Variants in AUTS2 observed in about 807,000 individuals in gnomAD.
The protein encoded by AUTS2 is activator of transcription and developmental regulator AUTS2, also known as autism susceptibility gene 2 protein.
AUTS2 carries 17 observed loss-of-function variants against 112.4 expected under a neutral mutation model. That is an observed-to-expected ratio of 0.15 (90% confidence interval 0.10 to 0.23). The LOEUF is 0.23. AUTS2 is among the 10% of genes least tolerant of loss of function. The probability of loss-of-function intolerance (pLI) is 1.00; values close to 1 mark genes in which losing one functional copy is unlikely to be tolerated. For missense variants in AUTS2, 1,510 were observed against 1,701.6 expected (o/e 0.89, Z 1.98); for synonymous variants, 751 against 702.7 (o/e 1.07, Z -1.09).
chr7:69,636,473 G>A (rs1302137442), intron 1 of AUTS2, among the ~76,000 whole-genome samples: 1 of 53,312 alleles, frequency 1.9e-5, no homozygotes, highest in African/African-American at 9.2e-5. Context: ...GACCTCAAGT[G>A]ATCCGCGCCC....
At chr7:69,854,023 G>A (rs1443464863) in intron 1 of AUTS2, among the ~76,000 whole-genome samples, 8 of 152,048 alleles carry the variant, frequency 5.3e-5, no homozygotes, top group Non-Finnish European at 7.4e-5. Context: ...AAATTTATAC[G>A]TGTACTCTTT....
intron 6 of AUTS2, among the ~76,000 whole-genome samples, chr7:70,749,021 C>T (rs748410205): frequency 1.4e-4 from 22 of 152,226 alleles, no homozygotes; most frequent in South Asian, 4.2e-4. Context: ...TGCATAGAGC[C>T]GGACTGGGAA....
At chr7:70,220,049 G>C (rs914384133) in intron 4 of AUTS2, among the ~76,000 whole-genome samples, 5 of 152,136 alleles carry the variant, frequency 3.3e-5, no homozygotes, top group African/African-American at 1.2e-4. Context: ...TTCCTTTAAA[G>C]GGACAGATAA....
intron 1 of AUTS2, among the ~76,000 whole-genome samples, chr7:69,889,758 G>A (rs1584398431): frequency 6.6e-6 from 1 of 152,100 alleles, no homozygotes; most frequent in Non-Finnish European, 1.5e-5. Context: ...GATTTAAGTG[G>A]GAGAAAAAGC....
chr7:69,986,540 T>C (rs963214457), intron 2 of AUTS2, among the ~76,000 whole-genome samples: 1 of 152,344 alleles, frequency 6.6e-6, no homozygotes, highest in South Asian at 2.1e-4. Flanking sequence ...CAGGTGAGAA[T>C]GTTACTGCTC....
At chr7:69,830,972 T>C (rs1791476029) in intron 1 of AUTS2, among the ~76,000 whole-genome samples, 1 of 152,088 alleles carries the variant, frequency 6.6e-6, no homozygotes. Context: ...CCTTCAGAGG[T>C]AGAGAGCCAG....
chr7:70,260,895 A>G (rs1408688233), intron 4 of AUTS2, among the ~76,000 whole-genome samples: 2 of 151,906 alleles, frequency 1.3e-5, no homozygotes, highest in Admixed American at 1.3e-4. Context: ...GACTACAGGC[A>G]CGTGCCACCA....
At chr7:69,972,482 C>T (rs1797887324) in intron 2 of AUTS2, among the ~76,000 whole-genome samples, 1 of 152,068 alleles carries the variant, frequency 6.6e-6, no homozygotes, top group South Asian at 2.1e-4. Flanking sequence ...TGGATCCTTT[C>T]CTTTATATTC....
chr7:70,062,924 C>A (rs905182441), intron 2 of AUTS2, among the ~76,000 whole-genome samples: 33 of 152,300 alleles, frequency 2.2e-4, no homozygotes, highest in African/African-American at 6.7e-4. Flanking sequence ...GGGCAGGAGA[C>A]CATCTTAGTT....
chr7:70,432,423 T>C (rs1332496353), intron 4 of AUTS2, among the ~76,000 whole-genome samples: 1 of 152,056 alleles, frequency 6.6e-6, no homozygotes, highest in Non-Finnish European at 1.5e-5. Flanking sequence ...GAACTTAGGG[T>C]GTGAAAGCTA....
intron 2 of AUTS2, among the ~76,000 whole-genome samples, chr7:69,926,121 C>T (rs553930096): frequency 2.6e-5 from 4 of 152,260 alleles, no homozygotes; most frequent in South Asian, 2.1e-4. Context: ...TTGAGAGGAA[C>T]GTAATTTTCT....
At position 70,181,241 on chromosome 7, in the gene AUTS2, C is replaced by T. The variant is rs186970600; in HGVS notation, c.660+46670C>T. 4.4e-3 allele frequency among the ~76,000 whole-genome samples: 670 copies of T among 152,228 alleles called. 5 individuals carry two copies. The highest frequency in any genetic ancestry group is 7.3e-3 in the Non-Finnish European group (499 of 67,994). On this transcript the variant is annotated intron_variant, in intron 4 of 18. Coordinates refer to ENST00000342771, the MANE Select transcript of AUTS2 (RefSeq NM_015570.4). ...ATTTTTGTTATTACGAACAATGTTT[C>T]TGTGAACATGCTTGTACAGATCTCC...
intron 9 of AUTS2, among the ~76,000 whole-genome samples, chr7:70,767,454 T>C (rs138384977): frequency 6.2e-4 from 95 of 152,350 alleles, no homozygotes; most frequent in African/African-American, 2.2e-3. Context: ...TGCTGGCCTG[T>C]GTGAGCTGTT....
chr7:70,244,284 T>C (rs775871446), intron 4 of AUTS2, among the ~76,000 whole-genome samples: 3 of 152,208 alleles, frequency 2.0e-5, no homozygotes, highest in Non-Finnish European at 4.4e-5. Context: ...TCACTTAAAC[T>C]AATAATTTGA....
At chr7:69,993,994 G>A (rs1340605670) in intron 2 of AUTS2, among the ~76,000 whole-genome samples, 2 of 152,084 alleles carry the variant, frequency 1.3e-5, no homozygotes, top group Non-Finnish European at 2.9e-5. Flanking sequence ...GGCTGCTTTG[G>A]GCCCCAAGAA....
chr7:70,117,996 C>T (rs1805472057), intron 2 of AUTS2, 136 bp from the exon 3 acceptor site: 3 of 1,112,298 alleles, frequency 2.7e-6, no homozygotes, highest in African/African-American at 3.3e-5. Flanking sequence ...GATCCTCCTA[C>T]CTCTGCCTCC....
intron 5 of AUTS2, among the ~76,000 whole-genome samples, chr7:70,560,540 A>G (rs1056634567): frequency 1.3e-5 from 2 of 152,268 alleles, no homozygotes; most frequent in African/African-American, 2.4e-5. Flanking sequence ...TAAACTTTCT[A>G]TCAAAAGCAT....
At chr7:70,036,297 T>C (rs1260464573) in intron 2 of AUTS2, among the ~76,000 whole-genome samples, 2 of 152,248 alleles carry the variant, frequency 1.3e-5, no homozygotes, top group Admixed American at 6.5e-5. Flanking sequence ...ATAAGTGTAA[T>C]GGGAAATCTA....
intron 2 of AUTS2, among the ~76,000 whole-genome samples, chr7:69,949,165 A>G (rs1230713781): frequency 6.6e-6 from 1 of 152,176 alleles, no homozygotes; most frequent in African/African-American, 2.4e-5. Flanking sequence ...ATCTACCATT[A>G]GAACATCATA....
Sources: allele counts gnomAD v4.1 joint callset (sites outside exome capture counted in the v4.1 genomes callset), GRCh38; gene constraint gnomAD v4.1.1; transcripts MANE v1.5; gene names NCBI Gene and HGNC (gene_info 2026-07-23, HGNC 2026-07-21).